The following MYLK variants were observed in gnomAD, a reference collection of about 807,000 sequenced individuals.
MYLK encodes the protein myosin light chain kinase, also known as myosin light chain kinase, smooth muscle.
In MYLK, 106 loss-of-function variants were observed where a neutral mutation model predicts 203.4. That is an observed-to-expected ratio of 0.52 (90% CI 0.45 to 0.61). The LOEUF is 0.61. MYLK is among the 20% of genes least tolerant of loss of function. The probability of loss-of-function intolerance (pLI) is 0.00; values close to 1 mark genes in which losing one functional copy is unlikely to be tolerated. For missense variants in MYLK, 2,072 were observed against 2,442.3 expected (o/e 0.85, Z 3.20); for synonymous variants, 867 against 959.5 (o/e 0.90, Z 1.78).
chr3:123,682,418 GGCCCTTTGT>G (rs1345861567), intron 19 of MYLK, 108 bp from the exon 20 acceptor site: 2 of 873,896 alleles, frequency 2.3e-6, no homozygotes, highest in South Asian at 2.8e-5. Flanking sequence ...CAACTCTGAG[GGCCCTTTGT>G]GCCCGCTGGG....
chr3:123,618,188 C>T lies in MYLK; in HGVS notation c.5500+451G>A, dbSNP rs990571585. 18 of 207,376 alleles carry T rather than the reference C, an allele frequency of 8.7e-5. No individual in the cohort carries two copies. The Admixed American group carries it at 9.6e-4, about 11-fold the overall frequency. 12.8% of individuals were successfully genotyped at this position (207,376 alleles called of 1,614,324 possible). On this transcript the variant is annotated intron_variant, in intron 33 of 33. Coordinates refer to ENST00000360304, the MANE Select transcript of MYLK (RefSeq NM_053025.4). The stretch of plus-strand genomic sequence containing the variant: ...GGACCGTAACTCAGGGGAGTTGGAC[C>T]ACCATCCAAGGTCACACAGCCTGTG...
rs1043020585 is a variant in MYLK, at chr3:123,803,699, G to C, written c.-3-9855C>G. Among the ~76,000 whole-genome samples, 5 of 152,324 alleles carry C rather than the reference G, an allele frequency of 3.3e-5. No homozygotes were observed. In the South Asian group the frequency reaches 1.0e-3, roughly 32 times the overall value. On this transcript the variant is annotated intron_variant, in intron 3 of 33. Transcript: ENST00000360304. ...GGCAAAGCTTATATCCAACCAAAAA[G>C]ACTTCTGTTGGGGCTCCCTGCCCAG...
rs564235497 is a variant in MYLK, at chr3:123,761,744, G to A, written c.166-9206C>T. Among the ~76,000 whole-genome samples the A allele has an allele frequency of 4.6e-5, 7 of 152,162 alleles. No individual in the cohort carries two copies. The East Asian group carries it at 1.2e-3, about 25-fold the overall frequency. ...TCTTTATTAAAATATTTTTATTCTC[G>A]GCCAGACGCAGTAGCTCACGCCTGT... On this transcript the variant is annotated intron_variant, in intron 4 of 33. Transcript: ENST00000360304.
chr3:123,775,023 T>C (rs1312180508), intron 4 of MYLK, among the ~76,000 whole-genome samples: 3 of 151,866 alleles, frequency 2.0e-5, no homozygotes, highest in Non-Finnish European at 4.4e-5. Context: ...AGATTCAACA[T>C]GGTAAATTTT....
intron 2 of MYLK, among the ~76,000 whole-genome samples, chr3:123,855,852 T>G (rs1003507499): frequency 2.6e-5 from 4 of 152,020 alleles, no homozygotes; most frequent in African/African-American, 7.2e-5. Flanking sequence ...CCCTAGAGAT[T>G]TGGGACCTTC....
chr3:123,683,701 C>A (rs921494132), intron 19 of MYLK, among the ~76,000 whole-genome samples: 2 of 152,158 alleles, frequency 1.3e-5, no homozygotes, highest in Admixed American at 1.3e-4. Context: ...AGCTCAGAAG[C>A]AGACAGGCCT....
rs189687453 is a variant in MYLK, at chr3:123,855,568, G to A, written c.-127+20991C>T. 4.3e-3 allele frequency among the ~76,000 whole-genome samples: 655 copies of A among 152,142 alleles called. 3 individuals carry two copies. Among genetic ancestry groups the A allele is most frequent in the Non-Finnish European group, 6.4e-3 (437 of 67,992 alleles). ...GTGGGAGGTTTGCTTAAGCCCAGGA[G>A]TTGGAGGCTACAGTGAGTTATGATT... On this transcript the variant is annotated intron_variant, in intron 2 of 33. Transcript: ENST00000360304.
intron 11 of MYLK, among the ~76,000 whole-genome samples, chr3:123,730,857 A>C (rs919389122): frequency 2.0e-5 from 3 of 152,194 alleles, no homozygotes; most frequent in Non-Finnish European, 2.9e-5. Flanking sequence ...AACTCTGTGA[A>C]TATATTAAAA....
At chr3:123,685,896 T>A (rs2060435402) in intron 19 of MYLK, among the ~76,000 whole-genome samples, 2 of 152,064 alleles carry the variant, frequency 1.3e-5, no homozygotes, top group African/African-American at 4.8e-5. Context: ...GGGGCTGAAG[T>A]CCCCCTTTCA....
chr3:123,868,758 C>T (rs1264295079), intron 2 of MYLK, among the ~76,000 whole-genome samples: 1 of 152,088 alleles, frequency 6.6e-6, no homozygotes. Context: ...GCAAAATGTA[C>T]AAATAAACTG....
At chr3:123,874,990 T>C (rs1032075425) in intron 2 of MYLK, among the ~76,000 whole-genome samples, 1 of 152,190 alleles carries the variant, frequency 6.6e-6, no homozygotes, top group African/African-American at 2.4e-5. Flanking sequence ...TACCAAGTAC[T>C]GACAAAGATG....
chr3:123,709,509 T>A, intron 14 of MYLK: 1 of 523,638 alleles, frequency 1.9e-6, no homozygotes, highest in South Asian at 2.0e-5. Context: ...TTCAAATTAA[T>A]CTTTCACTGC....
chr3:123,820,640 TTCCCTCCTTCCTTCCTTCCTTCCC>T (rs2065897347), intron 3 of MYLK, among the ~76,000 whole-genome samples: 1 of 116,244 alleles, frequency 8.6e-6, no homozygotes, highest in African/African-American at 3.3e-5. Context: ...CCTTCCTTCC[TTCCCTCCTTCCTTCCTTCCTTCCC>T]TCCTTCCTTC....
rs774100295 is a variant in MYLK at position 123,659,654 on chromosome 3, T to C, written c.3986-2226A>G. 4 of 517,652 alleles carry C rather than the reference T, an allele frequency of 7.7e-6. No homozygotes were observed. In the East Asian group the frequency reaches 2.2e-4, roughly 28 times the overall value. The allele number at this position is 517,652 out of a possible 1,614,324, so 32.1% of individuals were successfully genotyped here. On this transcript the variant is annotated intron_variant, in intron 23 of 33. Coordinates refer to ENST00000360304, the MANE Select transcript of MYLK (RefSeq NM_053025.4). ...TGTTCTTTCTAAGCTATGAGCCCCATGCAGTGGCTGAACTAGTAAAGGGAT... is the reference window on the plus strand; with the variant it reads ...TGTTCTTTCTAAGCTATGAGCCCCACGCAGTGGCTGAACTAGTAAAGGGAT...
chr3:123,864,535 T>C (rs1377352649), intron 2 of MYLK, among the ~76,000 whole-genome samples: 1 of 152,210 alleles, frequency 6.6e-6, no homozygotes, highest in East Asian at 1.9e-4. Flanking sequence ...ATGTTAACTT[T>C]AGAATCTAGG....
At chr3:123,693,474 C>T in intron 18 of MYLK, 1 of 156,814 alleles carries the variant, frequency 6.4e-6, no homozygotes, top group Non-Finnish European at 1.4e-5. Context: ...AGCTGGAGAA[C>T]CACGGCCAAT....
chr3:123,622,024 C>G (rs944136279), intron 31 of MYLK: 1 of 152,340 alleles, frequency 6.6e-6, no homozygotes, highest in Middle Eastern at 3.4e-3. Flanking sequence ...GTTTGTTGTG[C>G]TAGACAAAGT....
chr3:123,752,573 T>C, intron 4 of MYLK, 35 bp from the exon 5 acceptor site: 1 of 1,574,050 alleles, frequency 6.4e-7, no homozygotes, highest in Non-Finnish European at 8.6e-7. Context: ...AGAGCCTGTA[T>C]TTCATGAGTA....
intron 13 of MYLK, among the ~76,000 whole-genome samples, chr3:123,713,703 TCA>T (rs1193749072): frequency 6.6e-6 from 1 of 151,930 alleles, no homozygotes; most frequent in Non-Finnish European, 1.5e-5. Flanking sequence ...CAGTTTCTGC[TCA>T]CTCTTCTGTG....
Sources: gnomAD v4.1 joint callset for allele counts (sites outside exome capture counted in the v4.1 genomes callset) on GRCh38, gnomAD v4.1.1 for gene constraint, MANE v1.5 for transcripts, NCBI Gene and HGNC (gene_info 2026-07-23, HGNC 2026-07-21) for gene names.